DLD: variants seen among roughly 807,000 people sequenced by gnomAD.
DLD encodes dihydrolipoamide dehydrogenase.
Under a neutral mutation model 62.2 loss-of-function variants are expected in DLD, and 36 were observed. That is an observed-to-expected ratio of 0.58 (90% confidence interval 0.44 to 0.76). DLD has a LOEUF of 0.76. DLD is among the 30% of genes least tolerant of loss of function. The probability of loss-of-function intolerance (pLI) is 0.00; values close to 1 mark genes in which losing one functional copy is unlikely to be tolerated. For missense variants in DLD, 541 were observed against 608.6 expected (o/e 0.89, Z 1.17); for synonymous variants, 204 against 199.6 (o/e 1.02, Z -0.19).
At chr7:107,891,119 G>T, upstream of DLD, 1 of 1,169,024 alleles carries the variant, frequency 8.6e-7, no homozygotes, top group East Asian at 2.5e-5. Flanking sequence ...AACCGCGCGG[G>T]CCAATCGCGC....
At chr7:107,896,989 C>T (rs2031743222) in intron 2 of DLD, among the ~76,000 whole-genome samples, 2 of 152,016 alleles carry the variant, frequency 1.3e-5, no homozygotes, top group Admixed American at 6.6e-5. Flanking sequence ...GTGCCTGCCA[C>T]CAGCCCGGCT....
At chr7:107,916,147 TAAG>T (rs1252262107) in intron 9 of DLD, among the ~76,000 whole-genome samples, 12 of 152,298 alleles carry the variant, frequency 7.9e-5, no homozygotes, top group Admixed American at 3.3e-4. Context: ...TACTCAAAGA[TAAG>T]AAGCTGAATT....
At chr7:107,905,235 G>A in intron 6 of DLD, 126 bp from the exon 7 acceptor site, 1 of 1,110,158 alleles carries the variant, frequency 9.0e-7, no homozygotes, top group East Asian at 2.6e-5. Context: ...GCACCATGGT[G>A]TAGCATTACT....
At position 107,891,219 on chromosome 7, in the gene DLD, A is replaced by G. The variant is rs756361289; in HGVS notation, c.-32A>G. 4.3e-6 allele frequency: 7 copies of G among 1,613,840 alleles called. No homozygotes were observed. Among genetic ancestry groups the G allele is most frequent in the Admixed American group, 1.7e-5 (1 of 59,994 alleles). Reference sequence around the variant, plus strand: ...GGCGGAGGCGCCCAGCGGAGGTGAAAGTATTGGCGGAAAGGAAAATACAGC... The same window carrying G: ...GGCGGAGGCGCCCAGCGGAGGTGAAGGTATTGGCGGAAAGGAAAATACAGC... On this transcript the variant is annotated 5_prime_UTR_variant, in exon 1 of 14. Transcript: ENST00000205402.
intron 8 of DLD, among the ~76,000 whole-genome samples, chr7:107,909,569 T>A (rs2032088913): frequency 6.6e-6 from 1 of 152,220 alleles, no homozygotes; most frequent in Non-Finnish European, 1.5e-5. Flanking sequence ...CAAAATATAC[T>A]ACATTCACCA....
At chr7:107,903,044 G>T (rs1302623822) in intron 4 of DLD, among the ~76,000 whole-genome samples, 2 of 152,104 alleles carry the variant, frequency 1.3e-5, no homozygotes, top group African/African-American at 4.8e-5. Flanking sequence ...GAATAATTTA[G>T]TCAAGTTAAT....
chr7:107,904,470 C>A (rs890505662), intron 5 of DLD, among the ~76,000 whole-genome samples: 3 of 152,162 alleles, frequency 2.0e-5, no homozygotes, highest in Non-Finnish European at 2.9e-5. Context: ...AATACTGTTG[C>A]TTCAGAGTTC....
intron 1 of DLD, among the ~76,000 whole-genome samples, chr7:107,892,441 C>T (rs1281433876): frequency 6.6e-6 from 1 of 152,162 alleles, no homozygotes; most frequent in African/African-American, 2.4e-5. Context: ...ACTGTATATA[C>T]ACGCTAGCTT....
At position 107,917,095 on chromosome 7, in the gene DLD, A is replaced by C. The variant is rs982290678; in HGVS notation, c.1046+131A>C. ...AGAATAGTAAACTTACAAAATGTAA[A>C]ATAAAAAATAACTGAATTTTACTCA... On this transcript the variant is annotated intron_variant, in intron 10 of 13. Transcript: ENST00000205402. 5.8e-6 allele frequency: 7 copies of C among 1,203,552 alleles called. No homozygotes were observed. In the Admixed American group the frequency reaches 1.3e-4, roughly 22 times the overall value. 74.6% of individuals were successfully genotyped at this position (1,203,552 alleles called of 1,614,324 possible).
Position 107,919,238 on chromosome 7 carries a change from TGGCAAA to T in DLD, c.1510_1515del (p.Gly504_Lys505del). ...GAGAAGCAAATCTTGCTGCGTCATT[TGGCAAA>T]TCAATCAACTTTTGAATTAGAAGAT... On this transcript the variant is annotated inframe_deletion, in exon 14 of 14. Coordinates refer to ENST00000205402, the MANE Select transcript of DLD (RefSeq NM_000108.5). 6.2e-7 allele frequency: 1 copy of T among 1,612,488 alleles called. No individual in the cohort carries two copies. The highest frequency in any genetic ancestry group is 8.5e-7 in the Non-Finnish European group (1 of 1,179,336).
At chr7:107,900,317 GA>G (rs1287757869) in intron 2 of DLD, among the ~76,000 whole-genome samples, 4 of 152,130 alleles carry the variant, frequency 2.6e-5, no homozygotes, top group Admixed American at 6.5e-5. Context: ...TTTTTGGGGA[GA>G]GGGGGTGATG....
At chr7:107,902,303 A>G in intron 3 of DLD, 22 bp from the exon 4 acceptor site, 1 of 1,604,022 alleles carries the variant, frequency 6.2e-7, no homozygotes, top group Non-Finnish European at 8.5e-7. Context: ...GTGCAGTTAA[A>G]TAATGTTTTC....
chr7:107,904,849 C>A, intron 5 of DLD, 109 bp from the exon 6 acceptor site: 1 of 759,042 alleles, frequency 1.3e-6, no homozygotes. Flanking sequence ...AACTTTAATA[C>A]TGCCTTTTAT....
chr7:107,902,270 G>A lies in DLD; in HGVS notation c.199-55G>A, dbSNP rs1001099600. 4 of 1,483,000 alleles carry A rather than the reference G, an allele frequency of 2.7e-6. No individual in the cohort carries two copies. The African/African-American group carries it at 5.5e-5, about 20-fold the overall frequency. 91.9% of individuals were successfully genotyped at this position (1,483,000 alleles called of 1,614,324 possible). A position where few individuals can be genotyped will look rare whatever the true frequency, so the allele number is the denominator to read the frequency against. ...ATTAAGACATATATTTGGAATTTTAGTGATCTGAAACATTGAGGTTATGTG... is the reference window on the plus strand; with the variant it reads ...ATTAAGACATATATTTGGAATTTTAATGATCTGAAACATTGAGGTTATGTG... On this transcript the variant is annotated intron_variant, in intron 3 of 13. Transcript: ENST00000205402.
intron 12 of DLD, among the ~76,000 whole-genome samples, chr7:107,918,519 C>T (rs2032325545): frequency 6.6e-6 from 1 of 152,188 alleles, no homozygotes; most frequent in African/African-American, 2.4e-5. Flanking sequence ...TGTTCTGCCT[C>T]CAGATCTTTG....
chr7:107,920,710 T>C lies in DLD; in HGVS notation c.*1451T>C, dbSNP rs2108223. ...TGTTGTGGTTGCCCCATATTCTGCC[T>C]TCTGATCCTTAACCAATAAAACTTG... On this transcript the variant is annotated 3_prime_UTR_variant, in exon 14 of 14. Coordinates refer to ENST00000205402, the MANE Select transcript of DLD (RefSeq NM_000108.5). 0.66 allele frequency: 100,416 copies of C among 152,120 alleles called. 33,958 individuals carry two copies. The highest frequency in any genetic ancestry group is 0.85 in the East Asian group (4,405 of 5,176). The allele number at this position is 152,120 out of a possible 1,614,324, so 9.4% of individuals were successfully genotyped here.
intron 7 of DLD, 37 bp from the exon 8 acceptor site, chr7:107,906,230 C>G: frequency 7.2e-7 from 1 of 1,388,296 alleles, no homozygotes; most frequent in African/African-American, 1.4e-5. Context: ...TAGGTTTTTT[C>G]AAATTATTTT....
At chr7:107,893,494 A>G (rs1169824472) in intron 2 of DLD, 5 of 431,348 alleles carry the variant, frequency 1.2e-5, no homozygotes, top group Non-Finnish European at 2.1e-5. Flanking sequence ...TAATTTGGTG[A>G]TAAAAGACAA....
rs1292843967 is a variant in DLD, at chr7:107,903,472, C to T, written c.268-6C>T. On this transcript the variant is annotated splice_region_variant and splice_polypyrimidine_tract_variant and intron_variant, in intron 4 of 13. Transcript: ENST00000205402. ...TTGATAATTTGATCTTTTTAATTTCCTTTAGGCTTTATTGAACAACTCTCA... is the reference window on the plus strand; with the variant it reads ...TTGATAATTTGATCTTTTTAATTTCTTTTAGGCTTTATTGAACAACTCTCA... 2.6e-6 allele frequency: 4 copies of T among 1,539,796 alleles called. No homozygotes were observed. Among genetic ancestry groups the T allele is most frequent in the Non-Finnish European group, 3.6e-6 (4 of 1,113,700 alleles).
Sources: gnomAD v4.1 joint callset for allele counts (sites outside exome capture counted in the v4.1 genomes callset) on GRCh38, gnomAD v4.1.1 for gene constraint, MANE v1.5 for transcripts, NCBI Gene and HGNC (gene_info 2026-07-23, HGNC 2026-07-21) for gene names.